VPS13D: variants seen among roughly 807,000 people sequenced by gnomAD.
VPS13D encodes vacuolar protein sorting 13 homolog D.
A neutral mutation model predicts 461.9 loss-of-function variants in VPS13D; 187 were observed. The ratio of observed to expected loss-of-function variants is 0.40; its 90% CI spans 0.36 to 0.46. The LOEUF (loss-of-function observed/expected upper bound fraction) is 0.46. Ranked by LOEUF, VPS13D falls within the 20% of genes least tolerant of loss-of-function variation. The pLI is 0.60. For synonymous variants in VPS13D, 1,951 were observed against 1,986.3 expected (o/e 0.98, Z 0.47); for missense variants, 4,711 against 5,364.9 (o/e 0.88, Z 3.81).
intron 65 of VPS13D, among the ~76,000 whole-genome samples, chr1:12,450,578 G>A (rs539893274): frequency 3.3e-5 from 5 of 152,226 alleles, no homozygotes; most frequent in East Asian, 1.9e-4. Flanking sequence ...CGATTCTGTC[G>A]CAGTGCTGGG....
At position 12,502,401 on chromosome 1, in the gene VPS13D, G is replaced by C. The variant is rs758254463; in HGVS notation, c.12795-4452G>C. On this transcript the variant is annotated intron_variant, in intron 68 of 69. Transcript: ENST00000620676. This position sits in a 1 kb window ranked among gnomAD's most constrained non-coding sequence, Gnocchi z 4.3. ...TGCCTGTCTGGTTGATGAGGCTGGGGGTGCTGAAGAGCAAGGGTTGGAGAA... is the reference window on the plus strand; with the variant it reads ...TGCCTGTCTGGTTGATGAGGCTGGGCGTGCTGAAGAGCAAGGGTTGGAGAA... Among the ~76,000 whole-genome samples the C allele has an allele frequency of 1.3e-5, 2 of 152,126 alleles. No individual in the cohort carries two copies. Among genetic ancestry groups the C allele is most frequent in the Non-Finnish European group, 2.9e-5 (2 of 68,018 alleles).
At chr1:12,234,671 C>T (rs927083147) in intron 2 of VPS13D, among the ~76,000 whole-genome samples, 7 of 152,102 alleles carry the variant, frequency 4.6e-5, no homozygotes, top group Admixed American at 4.6e-4. Flanking sequence ...CACAATGTAC[C>T]GACAGTGGCA....
chr1:12,422,822 ATCCAAG>A (rs1644879767), intron 65 of VPS13D, among the ~76,000 whole-genome samples: 1 of 151,346 alleles, frequency 6.6e-6, no homozygotes. Context: ...GTGGATCTGA[ATCCAAG>A]TCCAGCTAAT....
intron 65 of VPS13D, among the ~76,000 whole-genome samples, chr1:12,455,179 C>T (rs552027236): frequency 4.8e-4 from 73 of 152,264 alleles, no homozygotes; most frequent in African/African-American, 1.7e-3. Flanking sequence ...ATCTTTCCAT[C>T]GATTTCGTTT....
At chr1:12,278,754 G>T (rs1340662145) in intron 19 of VPS13D, among the ~76,000 whole-genome samples, 1 of 152,184 alleles carries the variant, frequency 6.6e-6, no homozygotes, top group Non-Finnish European at 1.5e-5. Flanking sequence ...GCCTCAAGGG[G>T]TTGATGTAAA....
At chr1:12,401,817 T>A in intron 62 of VPS13D, 113 bp downstream of exon 62, 1 of 765,930 alleles carries the variant, frequency 1.3e-6, no homozygotes, top group East Asian at 2.5e-5. Flanking sequence ...CCTTTCCACA[T>A]CTCAGCCTGA....
At chr1:12,368,823 C>T (rs772248166) in intron 53 of VPS13D, among the ~76,000 whole-genome samples, 7 of 152,156 alleles carry the variant, frequency 4.6e-5, no homozygotes, top group Non-Finnish European at 7.3e-5. Flanking sequence ...TCTTTTAGCT[C>T]CCAGATTTAT....
intron 65 of VPS13D, among the ~76,000 whole-genome samples, chr1:12,442,849 A>T (rs929111966): frequency 6.6e-6 from 1 of 152,218 alleles, no homozygotes; most frequent in Non-Finnish European, 1.5e-5. Flanking sequence ...TCGGCCTCCC[A>T]AAGTGCTGGG....
At chr1:12,360,122 C>T (rs147965616) in intron 50 of VPS13D, among the ~76,000 whole-genome samples, 1 of 152,306 alleles carries the variant, frequency 6.6e-6, no homozygotes, top group Non-Finnish European at 1.5e-5. Flanking sequence ...GGAGCATTCA[C>T]TAAAGCTCAT....
intron 60 of VPS13D, among the ~76,000 whole-genome samples, chr1:12,394,772 C>T (rs542375963): frequency 3.3e-5 from 5 of 152,294 alleles, no homozygotes; most frequent in East Asian, 1.9e-4. Context: ...ACCTCTCTCA[C>T]GGTGGGCCAT....
chr1:12,233,498 G>A (rs1640050524), intron 1 of VPS13D, among the ~76,000 whole-genome samples: 1 of 152,114 alleles, frequency 6.6e-6, no homozygotes, highest in Admixed American at 6.6e-5. Flanking sequence ...CCTAAGTCAT[G>A]ATAAAAAATG....
At chr1:12,262,738 C>G (rs1641149153) in intron 13 of VPS13D, among the ~76,000 whole-genome samples, 1 of 150,312 alleles carries the variant, frequency 6.7e-6, no homozygotes, top group Non-Finnish European at 1.5e-5. Flanking sequence ...GAGTCTTGCT[C>G]TGTCGCCTAG....
chr1:12,244,301 T>C lies in VPS13D; in HGVS notation c.231T>C (p.Pro77=), dbSNP rs1640476238. The change falls in exon 4 of 70, where the codon CCT becomes CCC. Residue 77 remains proline, a synonymous_variant. Coordinates refer to ENST00000620676, the MANE Select transcript of VPS13D (RefSeq NM_015378.4). ...QIPFYRPHVD[P]WVISISSLHL... is the part of the protein sequence containing the mutation. ...CCTTTTATCGCCCCCATGTGGACCC[T>C]TGGGTGATCTCCATCTCCAGCCTTC... 1 of 1,614,152 alleles carries C rather than the reference T, an allele frequency of 6.2e-7. No homozygotes were observed. The highest frequency in any genetic ancestry group is 8.5e-7 in the Non-Finnish European group (1 of 1,179,998).
chr1:12,318,008 G>T, intron 30 of VPS13D, 64 bp from the exon 31 acceptor site: 1 of 1,494,080 alleles, frequency 6.7e-7, no homozygotes. Flanking sequence ...CAGTACATTT[G>T]CAGGTTATTG....
chr1:12,369,374 G>A, intron 53 of VPS13D, 93 bp from the exon 54 acceptor site: 1 of 1,086,256 alleles, frequency 9.2e-7, no homozygotes, highest in Non-Finnish European at 1.4e-6. Flanking sequence ...ATTTAGGAAG[G>A]ATTTGGAACT....
At chr1:12,231,923 G>C (rs1197906889) in intron 1 of VPS13D, among the ~76,000 whole-genome samples, 1 of 152,096 alleles carries the variant, frequency 6.6e-6, no homozygotes, top group Non-Finnish European at 1.5e-5. Flanking sequence ...AGGAGATGGC[G>C]GTTGCAGTGA....
chr1:12,482,762 A>G (rs558327797), intron 67 of VPS13D, among the ~76,000 whole-genome samples: 446 of 148,946 alleles, frequency 3.0e-3, no homozygotes, highest in Non-Finnish European at 4.5e-3. Context: ...ATGTATACAT[A>G]GTATACATAT....
chr1:12,265,700 G>A (rs1032255761), intron 13 of VPS13D, among the ~76,000 whole-genome samples: 1 of 152,208 alleles, frequency 6.6e-6, no homozygotes, highest in Non-Finnish European at 1.5e-5. Context: ...GGGGTAAATA[G>A]CAAGAGAACT....
At chr1:12,398,679 C>T (rs533883312) in intron 60 of VPS13D, among the ~76,000 whole-genome samples, 1 of 152,294 alleles carries the variant, frequency 6.6e-6, no homozygotes, top group Non-Finnish European at 1.5e-5. Context: ...TGTGATGGCA[C>T]TGATACTGAT....
Sources: allele counts gnomAD v4.1 joint callset (sites outside exome capture counted in the v4.1 genomes callset), GRCh38; gene constraint gnomAD v4.1.1; non-coding constraint Gnocchi (gnomAD v3.1); transcripts MANE v1.5; gene names NCBI Gene and HGNC (gene_info 2026-07-23, HGNC 2026-07-21).